Variants in NOVA1 observed in about 807,000 individuals in gnomAD.
NOVA1 encodes RNA-binding protein Nova-1.
Under a neutral mutation model 38.0 loss-of-function variants are expected in NOVA1, and 7 were observed. That is an observed-to-expected ratio of 0.18 (90% CI 0.10 to 0.35). The LOEUF is 0.35. Among genes scored for constraint, NOVA1 ranks in the 10% least tolerant of loss-of-function variants. NOVA1 has a pLI of 1.00. For synonymous variants in NOVA1, 270 were observed against 232.5 expected (o/e 1.16, Z -1.47); for missense variants, 460 against 616.0 (o/e 0.75, Z 2.68).
At chr14:26,559,244 T>A (rs992668684) in intron 2 of NOVA1, among the ~76,000 whole-genome samples, 6 of 151,996 alleles carry the variant, frequency 3.9e-5, no homozygotes, top group Non-Finnish European at 5.9e-5. Flanking sequence ...TTTAGAAAAA[T>A]ATAAAATATA....
chr14:26,535,156 A>T (rs923595699), intron 2 of NOVA1, among the ~76,000 whole-genome samples: 2 of 152,242 alleles, frequency 1.3e-5, no homozygotes, highest in Admixed American at 6.5e-5. Context: ...ATAATATTAC[A>T]TGAAATAAAC....
intron 2 of NOVA1, among the ~76,000 whole-genome samples, chr14:26,562,608 T>C (rs935357230): frequency 6.6e-6 from 1 of 151,976 alleles, no homozygotes; most frequent in African/African-American, 2.4e-5. Context: ...GCAGAATAAC[T>C]AGGAACACAC....
At chr14:26,492,228 A>G (rs1886401226) in intron 2 of NOVA1, among the ~76,000 whole-genome samples, 1 of 152,098 alleles carries the variant, frequency 6.6e-6, no homozygotes, top group South Asian at 2.1e-4. Context: ...TTGTTCTAAA[A>G]CTTTGCTTAA....
chr14:26,597,750 G>T lies in NOVA1; in HGVS notation c.-314C>A. 1.0e-6 allele frequency: 1 copy of T among 998,672 alleles called. No individual in the cohort carries two copies. The highest frequency in any genetic ancestry group is 1.2e-6 in the Non-Finnish European group (1 of 827,706). The allele number at this position is 998,672 out of a possible 1,614,324, so 61.9% of individuals were successfully genotyped here. A position where few individuals can be genotyped will look rare whatever the true frequency, so the allele number is the denominator to read the frequency against. On this transcript the variant is annotated 5_prime_UTR_variant, in exon 1 of 5. Transcript: ENST00000539517. The stretch of plus-strand genomic sequence containing the variant: ...AGACAGGGGGAGAGAGTGGAGAAGG[G>T]AGAGGGGCGAGTGAATGAGCGGGAG...
intron 2 of NOVA1, among the ~76,000 whole-genome samples, chr14:26,558,511 G>A (rs992473471): frequency 2.6e-5 from 4 of 152,020 alleles, no homozygotes; most frequent in African/African-American, 9.7e-5. Context: ...ATTAATTAAA[G>A]AAAAGTAGCT....
chr14:26,527,883 C>A (rs570194753), intron 2 of NOVA1, among the ~76,000 whole-genome samples: 1 of 152,254 alleles, frequency 6.6e-6, no homozygotes, highest in African/African-American at 2.4e-5. Flanking sequence ...CCTTTTATGT[C>A]CCATATCATC....
At chr14:26,517,073 T>A (rs377575973) in intron 2 of NOVA1, among the ~76,000 whole-genome samples, 1 of 151,984 alleles carries the variant, frequency 6.6e-6, no homozygotes, top group Non-Finnish European at 1.5e-5. Context: ...GCCCGACTAA[T>A]TTTTTGTATT....
chr14:26,579,620 T>C (rs910950025), intron 2 of NOVA1, among the ~76,000 whole-genome samples: 6 of 152,124 alleles, frequency 3.9e-5, no homozygotes, highest in African/African-American at 1.4e-4. Flanking sequence ...GAATACAGAA[T>C]TAAGTTTATA....
At chr14:26,459,848 T>A (rs1222155960) in intron 4 of NOVA1, among the ~76,000 whole-genome samples, 1 of 152,056 alleles carries the variant, frequency 6.6e-6, no homozygotes, top group Non-Finnish European at 1.5e-5. Flanking sequence ...AATTAAGTTA[T>A]AAGGAAAACT....
chr14:26,496,718 C>T (rs966905118), intron 2 of NOVA1, among the ~76,000 whole-genome samples: 8 of 152,162 alleles, frequency 5.3e-5, no homozygotes, highest in African/African-American at 1.7e-4. Flanking sequence ...ATATGGCTAG[C>T]CAGTTTTCCC....
intron 2 of NOVA1, among the ~76,000 whole-genome samples, chr14:26,583,203 T>C (rs1893324547): frequency 1.3e-5 from 2 of 151,762 alleles, no homozygotes; most frequent in Non-Finnish European, 3.0e-5. Flanking sequence ...CAGTAAAATA[T>C]GTTAAATTCA....
At chr14:26,484,041 G>A (rs1387077414) in intron 2 of NOVA1, among the ~76,000 whole-genome samples, 3 of 152,040 alleles carry the variant, frequency 2.0e-5, no homozygotes, top group African/African-American at 7.2e-5. Context: ...CAGGTAAAAT[G>A]TAACTGAACT....
intron 2 of NOVA1, among the ~76,000 whole-genome samples, chr14:26,513,438 T>C (rs559054862): frequency 2.0e-5 from 3 of 151,934 alleles, no homozygotes; most frequent in Admixed American, 6.6e-5. Context: ...GGCAATATGT[T>C]AAAAAATTAT....
chr14:26,496,323 C>T (rs565756525), intron 2 of NOVA1, among the ~76,000 whole-genome samples: 17 of 152,222 alleles, frequency 1.1e-4, no homozygotes, highest in South Asian at 6.2e-4. Context: ...TCATGTCCTT[C>T]GCCCACTTTT....
At chr14:26,536,780 T>TA (rs1183772441) in intron 2 of NOVA1, among the ~76,000 whole-genome samples, 1 of 152,138 alleles carries the variant, frequency 6.6e-6, no homozygotes, top group African/African-American at 2.4e-5. Flanking sequence ...TTTAATTTTG[T>TA]ATGTGACAAA....
At chr14:26,591,437 G>A (rs1258106055) in intron 2 of NOVA1, among the ~76,000 whole-genome samples, 1 of 151,476 alleles carries the variant, frequency 6.6e-6, no homozygotes, top group Non-Finnish European at 1.5e-5. Flanking sequence ...TTTATTTTCT[G>A]TACTTGTTAC....
chr14:26,579,074 T>TTC (rs1372763405), intron 2 of NOVA1, among the ~76,000 whole-genome samples: 3 of 144,500 alleles, frequency 2.1e-5, no homozygotes, highest in Non-Finnish European at 4.5e-5. Flanking sequence ...TTTTTTTTTT[T>TTC]TTGAGACAGA....
intron 4 of NOVA1, among the ~76,000 whole-genome samples, chr14:26,471,329 C>T (rs1446297041): frequency 2.0e-5 from 3 of 151,668 alleles, no homozygotes; most frequent in Non-Finnish European, 4.4e-5. Context: ...GCAAAAGCCA[C>T]ATTTAATATA....
chr14:26,496,970 G>A (rs1246553323), intron 2 of NOVA1, among the ~76,000 whole-genome samples: 4 of 152,118 alleles, frequency 2.6e-5, no homozygotes, highest in Admixed American at 6.6e-5. Flanking sequence ...TTGACTTGGC[G>A]ATGCGGGCTC....
Sources: allele counts gnomAD v4.1 joint callset (sites outside exome capture counted in the v4.1 genomes callset), GRCh38; gene constraint gnomAD v4.1.1; transcripts MANE v1.5; gene names NCBI Gene and HGNC (gene_info 2026-07-23, HGNC 2026-07-21).